The following PRKCE variants were observed in gnomAD, a reference collection of about 807,000 sequenced individuals.
PRKCE encodes the protein protein kinase C epsilon.
PRKCE carries 16 observed loss-of-function variants against 85.4 expected under a neutral mutation model. The ratio of observed to expected loss-of-function variants is 0.19; its 90% CI spans 0.13 to 0.28. PRKCE has a LOEUF of 0.28. PRKCE is among the 10% of genes least tolerant of loss of function. The pLI is 1.00. For missense variants in PRKCE, 573 were observed against 975.2 expected (o/e 0.59, Z 5.49); for synonymous variants, 388 against 371.5 (o/e 1.04, Z -0.51).
chr2:46,137,350 T>C (rs949247285), intron 11 of PRKCE, among the ~76,000 whole-genome samples: 32 of 152,144 alleles, frequency 2.1e-4, no homozygotes, highest in Admixed American at 2.0e-4. Flanking sequence ...ATACATAAAT[T>C]ACTATACACA....
rs1048312996 is a variant in PRKCE at position 45,976,370 on chromosome 2, C to G, written c.413-59C>G. The stretch of plus-strand genomic sequence containing the variant: ...ATGGAGTAGCTCTCCAGAGGGAGCT[C>G]ATTTTGAAGGTGCACTAACCCAGAC... On this transcript the variant is annotated intron_variant, in intron 2 of 14. Coordinates refer to ENST00000306156, the MANE Select transcript of PRKCE (RefSeq NM_005400.3). The G allele has an allele frequency of 3.6e-5, 56 of 1,558,534 alleles. No homozygotes were observed. In the Admixed American group the frequency reaches 9.5e-4, roughly 26 times the overall value.
At chr2:45,789,104 G>A (rs1686839842) in intron 1 of PRKCE, among the ~76,000 whole-genome samples, 1 of 152,166 alleles carries the variant, frequency 6.6e-6, no homozygotes, top group Admixed American at 6.6e-5. Context: ...TTTTAAGACA[G>A]ATGACAGGTT....
intron 10 of PRKCE, among the ~76,000 whole-genome samples, chr2:46,083,623 G>C (rs1240221358): frequency 6.6e-6 from 1 of 152,154 alleles, no homozygotes; most frequent in Non-Finnish European, 1.5e-5. Context: ...GGCTTATCCT[G>C]GTGCTGCAGG....
intron 1 of PRKCE, among the ~76,000 whole-genome samples, chr2:45,752,478 A>G (rs896538212): frequency 7.9e-5 from 12 of 151,934 alleles, no homozygotes; most frequent in African/African-American, 2.9e-4. Context: ...TTCAGCACTG[A>G]GACTCAGAGA....
chr2:45,725,839 AC>A (rs376466494), intron 1 of PRKCE, among the ~76,000 whole-genome samples: 1 of 151,670 alleles, frequency 6.6e-6, no homozygotes, highest in Non-Finnish European at 1.5e-5. Context: ...CAAAAAAAAA[AC>A]AAAAAACCGC....
At chr2:45,932,533 G>C (rs941182587) in intron 2 of PRKCE, among the ~76,000 whole-genome samples, 1 of 152,202 alleles carries the variant, frequency 6.6e-6, no homozygotes, top group Admixed American at 6.5e-5. Context: ...CAGTCTGAGA[G>C]TTCCAGTTGC....
intron 2 of PRKCE, among the ~76,000 whole-genome samples, chr2:45,936,446 G>C (rs180704323): frequency 6.6e-6 from 1 of 152,178 alleles, no homozygotes; most frequent in Non-Finnish European, 1.5e-5. Flanking sequence ...CTTGGTGGCC[G>C]TGGGCCAAGC....
chr2:45,777,538 A>G (rs564631376), intron 1 of PRKCE, among the ~76,000 whole-genome samples: 12 of 152,188 alleles, frequency 7.9e-5, no homozygotes, highest in Non-Finnish European at 1.3e-4. Context: ...ACTACAGGAC[A>G]TAGCCATCTT....
chr2:45,798,791 G>A (rs1558684218), intron 1 of PRKCE, among the ~76,000 whole-genome samples: 15 of 149,984 alleles, frequency 1.0e-4, no homozygotes, highest in African/African-American at 3.7e-4. Context: ...CCTGTTTTCA[G>A]TGTTTTTAAA....
intron 11 of PRKCE, among the ~76,000 whole-genome samples, chr2:46,119,756 A>G (rs1673135760): frequency 6.6e-6 from 1 of 152,226 alleles, no homozygotes; most frequent in Non-Finnish European, 1.5e-5. Flanking sequence ...CAGTACGTAG[A>G]TTCTCACTAA....
chr2:45,950,898 C>A (rs759297639), intron 2 of PRKCE, among the ~76,000 whole-genome samples: 1 of 152,170 alleles, frequency 6.6e-6, no homozygotes, highest in African/African-American at 2.4e-5. Context: ...TAATTAAGTC[C>A]TGGAACTATC....
At chr2:45,852,053 G>C (rs1176259922) in intron 2 of PRKCE, 4 of 152,400 alleles carry the variant, frequency 2.6e-5, no homozygotes, top group Admixed American at 2.6e-4. Flanking sequence ...CCACTGTGGC[G>C]TTTCTGATGG....
At chr2:45,947,938 G>T (rs1012629571) in intron 2 of PRKCE, among the ~76,000 whole-genome samples, 4 of 152,344 alleles carry the variant, frequency 2.6e-5, no homozygotes, top group South Asian at 4.1e-4. Flanking sequence ...GGAAGTTAGA[G>T]AACTACGTAT....
chr2:46,027,600 G>A (rs1007149715), intron 10 of PRKCE, among the ~76,000 whole-genome samples: 6 of 152,156 alleles, frequency 3.9e-5, no homozygotes, highest in Admixed American at 1.3e-4. Context: ...GAACATGAAA[G>A]CATCCAAACT....
At chr2:46,167,847 A>G (rs1678494350) in intron 14 of PRKCE, 1 of 143,338 alleles carries the variant, frequency 7.0e-6, no homozygotes, top group South Asian at 2.2e-4. Flanking sequence ...TTTGCTGGGT[A>G]CAGCTGTGCG....
chr2:46,044,326 C>G (rs1238460410), intron 10 of PRKCE, among the ~76,000 whole-genome samples: 1 of 152,176 alleles, frequency 6.6e-6, no homozygotes, highest in East Asian at 1.9e-4. Flanking sequence ...TCCCAGTGAT[C>G]TGTTAGAGAA....
chr2:46,033,157 G>C (rs1399232270), intron 10 of PRKCE, among the ~76,000 whole-genome samples: 5 of 152,224 alleles, frequency 3.3e-5, no homozygotes, highest in African/African-American at 1.2e-4. Context: ...GAGGATTAGA[G>C]AGGAGAAAAG....
chr2:45,795,853 A>G (rs1687397034), intron 1 of PRKCE, among the ~76,000 whole-genome samples: 1 of 149,652 alleles, frequency 6.7e-6, no homozygotes, highest in African/African-American at 2.6e-5. Flanking sequence ...GACCCCCCGC[A>G]GAGTTGTCTT....
Position 46,159,586 on chromosome 2 carries a change from C to A in PRKCE, c.1921-20C>A. The stretch of plus-strand genomic sequence containing the variant: ...GCCAGGCCTTTGTCACTAATTCCGA[C>A]TCTGTCCTCATCCCTGCAGTTCATG... On this transcript the variant is annotated intron_variant, in intron 13 of 14. Coordinates refer to ENST00000306156, the MANE Select transcript of PRKCE (RefSeq NM_005400.3). The surrounding 1 kb of genome is among the most constrained non-coding windows in gnomAD (Gnocchi z 4.1). 6.3e-7 allele frequency: 1 copy of A among 1,577,630 alleles called. No individual in the cohort carries two copies. Among genetic ancestry groups the A allele is most frequent in the Non-Finnish European group, 8.6e-7 (1 of 1,168,712 alleles).
Sources: gnomAD v4.1 joint callset for allele counts (sites outside exome capture counted in the v4.1 genomes callset) on GRCh38, gnomAD v4.1.1 for gene constraint, Gnocchi (gnomAD v3.1) non-coding constraint, MANE v1.5 for transcripts, NCBI Gene and HGNC (gene_info 2026-07-23, HGNC 2026-07-21) for gene names.